The following SCN1A variants were observed in gnomAD, a reference collection of about 807,000 sequenced individuals.
The protein encoded by SCN1A is sodium voltage-gated channel alpha subunit 1, also known as sodium channel protein type 1 subunit alpha.
Under a neutral mutation model 193.7 loss-of-function variants are expected in SCN1A, and 13 were observed. The ratio of observed to expected loss-of-function variants is 0.07; its 90% confidence interval spans 0.04 to 0.11. The LOEUF is 0.11. Ranked by LOEUF, SCN1A falls within the 10% of genes least tolerant of loss-of-function variation. The pLI is 1.00. For missense variants in SCN1A, 1,432 were observed against 2,451.1 expected (o/e 0.58, Z 8.78); for synonymous variants, 781 against 843.6 (o/e 0.93, Z 1.29).
chr2:166,050,928 A>G (rs1040956198), intron 9 of SCN1A, among the ~76,000 whole-genome samples: 1 of 151,452 alleles, frequency 6.6e-6, no homozygotes, highest in African/African-American at 2.4e-5. Context: ...AAACTATAAC[A>G]CTCTGAAGCC....
intron 6 of SCN1A, among the ~76,000 whole-genome samples, chr2:166,055,011 A>C (rs1028140211): frequency 6.6e-6 from 1 of 151,982 alleles, no homozygotes; most frequent in African/African-American, 2.4e-5. Flanking sequence ...CTATTTAGCC[A>C]TTGTCTGAAA....
intron 19 of SCN1A, among the ~76,000 whole-genome samples, chr2:166,034,229 C>A (rs1216736799): frequency 6.6e-6 from 1 of 152,166 alleles, no homozygotes; most frequent in Non-Finnish European, 1.5e-5. Flanking sequence ...TCTGAATTAA[C>A]TAAGCAGCTC....
At chr2:166,026,696 T>C (rs1458682562) in intron 19 of SCN1A, among the ~76,000 whole-genome samples, 1 of 140,470 alleles carries the variant, frequency 7.1e-6, no homozygotes, top group African/African-American at 2.6e-5. Flanking sequence ...TTTTTTTTTT[T>C]TTTTTGAGAC....
rs779837260 is a variant in SCN1A at position 166,052,903 on chromosome 2, A to G, written c.643T>C (p.Leu215=). The change falls in exon 8 of 29, where the codon TTG becomes CTG. Residue 215 remains leucine, a synonymous_variant. Transcript: ENST00000674923. ...GCTCGGAGAACTCTGAATGTTCTCA[A>G]TGCCGAGACATTGCCCAGGTCCACA... ...EFVDLGNVSA[L]RTFRVLRALK... 18 of 1,612,430 alleles carry G rather than the reference A, an allele frequency of 1.1e-5. No individual in the cohort carries two copies. The highest frequency in any genetic ancestry group is 1.4e-5 in the Non-Finnish European group (17 of 1,179,122).
chr2:166,005,573 G>T (rs1290980508), intron 23 of SCN1A, among the ~76,000 whole-genome samples: 2 of 151,272 alleles, frequency 1.3e-5, no homozygotes, highest in Non-Finnish European at 3.0e-5. Flanking sequence ...CTTTATCTTA[G>T]AAAACATCTG....
chr2:166,121,069 GT>G (rs1482310530), intron 2 of SCN1A, among the ~76,000 whole-genome samples: 2 of 146,630 alleles, frequency 1.4e-5, no homozygotes, highest in Non-Finnish European at 3.0e-5. Flanking sequence ...CCAACCAGAT[GT>G]TTACTTCCTG....
At chr2:166,046,135 G>A (rs1047410871) in intron 12 of SCN1A, among the ~76,000 whole-genome samples, 2 of 152,038 alleles carry the variant, frequency 1.3e-5, no homozygotes, top group Non-Finnish European at 2.9e-5. Context: ...AAGACAATAA[G>A]TTTGTATGCT....
At chr2:166,137,254 T>C (rs1691898979) in intron 1 of SCN1A, among the ~76,000 whole-genome samples, 1 of 152,210 alleles carries the variant, frequency 6.6e-6, no homozygotes, top group African/African-American at 2.4e-5. Context: ...AACACATGTG[T>C]CTAAAATATT....
rs1683689332 is a variant in SCN1A at position 166,065,000 on chromosome 2, T to C, written c.265-6312A>G. 2.0e-5 allele frequency among the ~76,000 whole-genome samples: 3 copies of C among 152,186 alleles called. No individual in the cohort carries two copies. The South Asian group carries it at 6.2e-4, about 32-fold the overall frequency. On this transcript the variant is annotated intron_variant, in intron 4 of 28. Transcript: ENST00000674923. The stretch of plus-strand genomic sequence containing the variant: ...CATGAGCTGTGCTCCAGAAATGCAT[T>C]TGGAAGTCAATTGTTTGGAAATGTG...
At chr2:166,067,462 C>G (rs569556497) in intron 4 of SCN1A, among the ~76,000 whole-genome samples, 2 of 144,478 alleles carry the variant, frequency 1.4e-5, no homozygotes, top group East Asian at 4.2e-4. Context: ...GATTCCATCA[C>G]TGACTTCTCT....
At chr2:166,069,800 T>C (rs927222444) in intron 4 of SCN1A, among the ~76,000 whole-genome samples, 4 of 152,182 alleles carry the variant, frequency 2.6e-5, no homozygotes, top group African/African-American at 9.6e-5. Flanking sequence ...GCATATTCCA[T>C]TTCACTCAGG....
intron 2 of SCN1A, among the ~76,000 whole-genome samples, chr2:166,122,108 C>G (rs896779768): frequency 6.6e-6 from 1 of 152,238 alleles, no homozygotes; most frequent in African/African-American, 2.4e-5. Context: ...TTTAAGCCAC[C>G]CTGTCTGTGG....
At chr2:166,045,790 C>T (rs1221292601) in intron 12 of SCN1A, among the ~76,000 whole-genome samples, 3 of 152,082 alleles carry the variant, frequency 2.0e-5, no homozygotes, top group Non-Finnish European at 4.4e-5. Flanking sequence ...TTGTCCAATA[C>T]CCTCAAAATA....
chr2:166,002,062 A>G (rs1690948406), intron 24 of SCN1A, among the ~76,000 whole-genome samples: 1 of 151,358 alleles, frequency 6.6e-6, no homozygotes, highest in African/African-American at 2.4e-5. Flanking sequence ...TTACAATCCA[A>G]TTAGGTGTAT....
Position 166,044,041 on chromosome 2 carries a change from C to G in SCN1A, c.1671G>C (p.Leu557Phe). The G allele has an allele frequency of 1.2e-6, 2 of 1,614,038 alleles. No homozygotes were observed. Among genetic ancestry groups the G allele is most frequent in the Non-Finnish European group, 1.7e-6 (2 of 1,180,008 alleles). ...GTGAAAATAGGGAGCCACGGATGCT[C>G]AACAAAGACTAGAAGTTTGAAAGAG... ...KRYSSPHQSL[L>F]SIRGSLFSPR... The change falls in exon 14 of 29, where the codon TTG becomes TTC. Residue 557 changes from leucine to phenylalanine, a missense_variant. Physicochemically the swap from Leu to Phe is conservative, Grantham distance 22 (BLOSUM62 0). This residue lies in a region of SCN1A where 316 missense variants were observed against 362.1 expected (regional missense o/e 0.87). Transcript: ENST00000674923.
chr2:166,143,123 C>T (rs1351793070), intron 1 of SCN1A, among the ~76,000 whole-genome samples: 3 of 150,412 alleles, frequency 2.0e-5, no homozygotes, highest in African/African-American at 7.3e-5. Context: ...GCTATAATTT[C>T]ATTTGAAACA....
At position 166,042,418 on chromosome 2, in the gene SCN1A, T is replaced by C. The variant is rs1403517978; in HGVS notation, c.2050A>G (p.Thr684Ala). ...CTCTTTCTCATTTCAGTTTCAGTGG[T>C]TGTTCCCTGTAAAAAAAAATGCTAA... ...DKPATDDNGTTTETEMRKRRS... is the reference protein window; with the variant it reads ...DKPATDDNGTATETEMRKRRS... The change falls in exon 15 of 29, where the codon ACC becomes GCC. Residue 684 changes from threonine (T) to alanine (A), a missense_variant. Around this residue, in one of 18 missense-constraint regions of SCN1A, gnomAD observed 316 missense variants for 362.1 expected, o/e 0.87. Coordinates refer to ENST00000674923, the MANE Select transcript of SCN1A (RefSeq NM_001165963.4). 2 of 1,613,798 alleles carry C rather than the reference T, an allele frequency of 1.2e-6. No homozygotes were observed. The highest frequency in any genetic ancestry group is 8.5e-7 in the Non-Finnish European group (1 of 1,179,842).
intron 9 of SCN1A, among the ~76,000 whole-genome samples, chr2:166,050,613 G>GTGTATATATATATATATATA (rs1698424029): frequency 1.5e-5 from 1 of 65,380 alleles, no homozygotes; most frequent in Non-Finnish European, 3.1e-5. Context: ...ATTAAAAAAA[G>GTGTATATATATATATATATA]TATATATATA....
At position 166,120,083 on chromosome 2, in the gene SCN1A, C is replaced by T. The variant is rs116448567; in HGVS notation, c.-142+6841G>A. Among the ~76,000 whole-genome samples the T allele has an allele frequency of 6.9e-3, 1,044 of 150,886 alleles. 9 individuals are homozygous for T. The highest frequency in any genetic ancestry group is 0.024 in the African/African-American group (992 of 41,226). On this transcript the variant is annotated intron_variant, in intron 2 of 28. Transcript: ENST00000674923. Reference sequence around the variant, plus strand: ...CATCATTTTATTAATTTATATTTCCCTTTTGCTTTATGTATTACTTTTGCT... The same window carrying T: ...CATCATTTTATTAATTTATATTTCCTTTTTGCTTTATGTATTACTTTTGCT...
Sources: gnomAD v4.1 joint callset for allele counts (sites outside exome capture counted in the v4.1 genomes callset) on GRCh38, gnomAD v4.1.1 for gene constraint, gnomAD v4.1.1 regional missense constraint, MANE v1.5 for transcripts, NCBI Gene and HGNC (gene_info 2026-07-23, HGNC 2026-07-21) for gene names.